The following PCDHGB3 variants were observed in gnomAD, a reference collection of about 807,000 sequenced individuals.
PCDHGB3 encodes the protein protocadherin gamma-B3.
PCDHGB3 carries 40 observed loss-of-function variants against 59.2 expected under a neutral mutation model. That is an observed-to-expected ratio of 0.68 (90% CI 0.52 to 0.88). PCDHGB3 has a LOEUF of 0.88. PCDHGB3 is among the 40% of genes least tolerant of loss of function. The pLI, the probability that PCDHGB3 is intolerant of heterozygous loss-of-function variation, is 0.00. For synonymous variants in PCDHGB3, 581 were observed against 503.6 expected (o/e 1.15, Z -2.06); for missense variants, 1,309 against 1,187.9 (o/e 1.10, Z -1.50).
intron 1 of PCDHGB3, chr5:141,375,637 C>G (rs1331644453): frequency 1.2e-6 from 2 of 1,614,238 alleles, no homozygotes; most frequent in South Asian, 2.2e-5. Context: ...ACGCCCTGCG[C>G]TCCTTCGACT....
intron 1 of PCDHGB3, among the ~76,000 whole-genome samples, chr5:141,474,464 T>C (rs373468290): frequency 6.6e-6 from 1 of 152,252 alleles, no homozygotes; most frequent in African/African-American, 2.4e-5. Context: ...CTATACTCTT[T>C]ATTCTAAATT....
chr5:141,399,850 C>T (rs768366007), intron 1 of PCDHGB3: 1 of 1,612,946 alleles, frequency 6.2e-7, no homozygotes, highest in Non-Finnish European at 8.5e-7. Flanking sequence ...CGATATGGTG[C>T]CGCGCGCTGC....
In PCDHGB3 at chr5:141,439,231, T is replaced by C. The variant is rs545867747; in HGVS notation, c.2416-55576T>C. 2.0e-5 allele frequency among the ~76,000 whole-genome samples: 3 copies of C among 151,650 alleles called. No individual in the cohort carries two copies. In the East Asian group the frequency reaches 5.8e-4, roughly 29 times the overall value. On this transcript the variant is annotated intron_variant, in intron 1 of 3. Coordinates refer to ENST00000576222, the MANE Select transcript of PCDHGB3 (RefSeq NM_018924.5). ...TCCATATGTGAAAATTCTTAGAAGC[T>C]TCCTATACAATTTCAGCTGAAGATT...
chr5:141,460,275 A>G (rs2154566824), intron 1 of PCDHGB3, among the ~76,000 whole-genome samples: 1 of 152,098 alleles, frequency 6.6e-6, no homozygotes, highest in East Asian at 1.9e-4. Context: ...TTTTTCTTTT[A>G]TAGTTTGTAT....
chr5:141,407,158 G>A (rs2094893881), intron 1 of PCDHGB3, among the ~76,000 whole-genome samples: 1 of 152,166 alleles, frequency 6.6e-6, no homozygotes, highest in African/African-American at 2.4e-5. Flanking sequence ...AAGTGTCTGG[G>A]AATCCTTTAT....
At chr5:141,417,068 T>C (rs1433034146) in intron 1 of PCDHGB3, 1 of 152,154 alleles carries the variant, frequency 6.6e-6, no homozygotes, top group African/African-American at 2.4e-5. Context: ...ATTGTAGCTA[T>C]TGTGAGAAAA....
intron 1 of PCDHGB3, chr5:141,478,198 A>G (rs1393603398): frequency 6.2e-7 from 1 of 1,613,864 alleles, no homozygotes; most frequent in East Asian, 2.2e-5. Flanking sequence ...CCTTTTATCT[A>G]CTTCTTTCTC....
chr5:141,447,225 C>T (rs966197293), intron 1 of PCDHGB3, among the ~76,000 whole-genome samples: 9 of 151,960 alleles, frequency 5.9e-5, no homozygotes, highest in African/African-American at 7.3e-5. Flanking sequence ...CTGCAACCTC[C>T]GCCTCCCGGG....
intron 1 of PCDHGB3, among the ~76,000 whole-genome samples, chr5:141,462,825 C>T (rs1040054698): frequency 4.6e-5 from 7 of 152,124 alleles, no homozygotes; most frequent in Admixed American, 3.9e-4. Context: ...GGACAGCAGA[C>T]ATTGTAAATG....
At chr5:141,429,378 T>G (rs890583768) in intron 1 of PCDHGB3, among the ~76,000 whole-genome samples, 3 of 105,336 alleles carry the variant, frequency 2.8e-5, no homozygotes, top group African/African-American at 5.2e-5. Flanking sequence ...AGAAAATGTG[T>G]TTTTTTTTTA....
rs201857404 is a variant in PCDHGB3, at chr5:141,485,844, G to C, written c.2416-8963G>C. The C allele has an allele frequency of 1.1e-5, 18 of 1,613,772 alleles. No homozygotes were observed. The highest frequency in any genetic ancestry group is 1.4e-5 in the Non-Finnish European group (16 of 1,179,956). ...GATGGAGGGAACCCGCCGAGATCTG[G>C]CACCGCAGAGCTCCGGGTATCCGTG... is the stretch of plus-strand genomic sequence containing the variant. On this transcript the variant is annotated intron_variant, in intron 1 of 3. Transcript: ENST00000576222. This position sits in a 1 kb window ranked among gnomAD's most constrained non-coding sequence, Gnocchi z 5.7.
At position 141,432,646 on chromosome 5, in the gene PCDHGB3, G is replaced by A. The variant is rs780822589; in HGVS notation, c.2415+59837G>A. 9.3e-6 allele frequency: 15 copies of A among 1,613,690 alleles called. No individual in the cohort carries two copies. The highest frequency in any genetic ancestry group is 1.3e-5 in the Non-Finnish European group (15 of 1,179,944). ...TGCACACGGGCGAGGTGCGCACGGCGCGAGCCCTGCTGGACAGAGACGCGC... is the reference window on the plus strand; with the variant it reads ...TGCACACGGGCGAGGTGCGCACGGCACGAGCCCTGCTGGACAGAGACGCGC... On this transcript the variant is annotated intron_variant, in intron 1 of 3. Transcript: ENST00000576222. This position sits in a 1 kb window ranked among gnomAD's most constrained non-coding sequence, Gnocchi z 6.0.
At chr5:141,422,280 C>A in intron 1 of PCDHGB3, 1 of 1,557,754 alleles carries the variant, frequency 6.4e-7, no homozygotes, top group Non-Finnish European at 8.6e-7. Context: ...TAACTATCAC[C>A]TCTTCTATTA....
In PCDHGB3 at chr5:141,422,312, C is replaced by T; in HGVS notation, c.2415+49503C>T. On this transcript the variant is annotated intron_variant, in intron 1 of 3. Coordinates refer to ENST00000576222, the MANE Select transcript of PCDHGB3 (RefSeq NM_018924.5). ...ATTAATTCAATTCTGGAAAACTCTC[C>T]TCCAGGTACAGTGATTGCTCTTCTA... The T allele has an allele frequency of 1.9e-6, 3 of 1,547,444 alleles. No individual in the cohort carries two copies. Among genetic ancestry groups the T allele is most frequent in the Non-Finnish European group, 1.7e-6 (2 of 1,153,976 alleles).
At chr5:141,510,910 A>T (rs780792326) in intron 3 of PCDHGB3, 37 bp from the exon 4 acceptor site, 1 of 1,613,740 alleles carries the variant, frequency 6.2e-7, no homozygotes, top group East Asian at 2.2e-5. Flanking sequence ...GAGGACCCTA[A>T]GTTTAGCTCC....
chr5:141,466,014 C>T (rs962233749), intron 1 of PCDHGB3, among the ~76,000 whole-genome samples: 75 of 151,848 alleles, frequency 4.9e-4, no homozygotes, highest in African/African-American at 1.2e-3. Flanking sequence ...CCCAGCTACT[C>T]GGGAGGGTGA....
chr5:141,394,257 C>A (rs1256817731), intron 1 of PCDHGB3: 1 of 1,613,828 alleles, frequency 6.2e-7, no homozygotes, highest in Non-Finnish European at 8.5e-7. Flanking sequence ...CCCCGACAGC[C>A]AGGAGAATGC....
rs1345800081 is a variant in PCDHGB3, at chr5:141,485,453, G to A, written c.2416-9354G>A. 1 of 1,614,176 alleles carries A rather than the reference G, an allele frequency of 6.2e-7. No homozygotes were observed. The highest frequency in any genetic ancestry group is 8.5e-7 in the Non-Finnish European group (1 of 1,180,036). On this transcript the variant is annotated intron_variant, in intron 1 of 3. Transcript: ENST00000576222. The surrounding 1 kb of genome is among the most constrained non-coding windows in gnomAD (Gnocchi z 5.7). ...CATCAAGAACCCAATCGACCGAGAG[G>A]CACTGTGTGGGCTCAGTGCCAGCTG...
At chr5:141,389,823 G>A in intron 1 of PCDHGB3, 3 of 1,613,944 alleles carry the variant, frequency 1.9e-6, no homozygotes, top group Non-Finnish European at 2.5e-6. Context: ...CGTGCGTGAC[G>A]GTGGACAGCC....
Sources: gnomAD v4.1 joint callset for allele counts (sites outside exome capture counted in the v4.1 genomes callset) on GRCh38, gnomAD v4.1.1 for gene constraint, Gnocchi (gnomAD v3.1) non-coding constraint, MANE v1.5 for transcripts, NCBI Gene and HGNC (gene_info 2026-07-23, HGNC 2026-07-21) for gene names.